Variants in ARSJ observed in about 807,000 individuals in gnomAD.
The protein encoded by ARSJ is arylsulfatase family member J.
In ARSJ, 26 loss-of-function variants were observed where a neutral mutation model predicts 35.9. That is an observed-to-expected ratio of 0.72 (90% confidence interval 0.53 to 1.00). The LOEUF is 1.00. Among genes scored for constraint, ARSJ ranks in the 50% least tolerant of loss-of-function variants. ARSJ has a pLI of 0.00. For synonymous variants in ARSJ, 294 were observed against 267.6 expected, an observed-to-expected ratio of 1.10 and a Z score of -0.96; for missense variants, 667 against 723.6, an observed-to-expected ratio of 0.92 and a Z score of 0.90.
At chr4:113,958,935 C>T (rs35818320) in intron 1 of ARSJ, among the ~76,000 whole-genome samples, 41 of 152,078 alleles carry the variant, frequency 2.7e-4, no homozygotes, top group Non-Finnish European at 4.4e-4. Flanking sequence ...AAACCCCGCA[C>T]GCAGGCTACA....
At chr4:113,925,102 T>C (rs1051828976) in intron 1 of ARSJ, among the ~76,000 whole-genome samples, 1 of 151,950 alleles carries the variant, frequency 6.6e-6, no homozygotes, top group Non-Finnish European at 1.5e-5. Flanking sequence ...CGTTATGGAG[T>C]AGTAGACTGA....
At chr4:113,963,424 AAGG>A (rs1418015618) in intron 1 of ARSJ, among the ~76,000 whole-genome samples, 1 of 151,990 alleles carries the variant, frequency 6.6e-6, no homozygotes, top group Non-Finnish European at 1.5e-5. Context: ...TGATGGCAGG[AAGG>A]AGAAGTGCCA....
chr4:113,952,600 G>C (rs113100811), intron 1 of ARSJ, among the ~76,000 whole-genome samples: 2,457 of 152,156 alleles, frequency 0.016, 88 homozygotes, highest in East Asian at 0.14. Flanking sequence ...AAGGTTAAAC[G>C]CTTGGGTGAG....
rs138847734 is a variant in ARSJ at position 113,904,399 on chromosome 4, T to A, written c.399-724A>T. 8.0e-3 allele frequency among the ~76,000 whole-genome samples: 1,214 copies of A among 152,336 alleles called. 4 individuals carry two copies. The highest frequency in any genetic ancestry group is 0.014 in the Admixed American group (215 of 15,302). ...TCTAAATCATTAGCTCCTAGTTTCC[T>A]GAGATCATTTATTTCAAGCTAACTC... On this transcript the variant is annotated intron_variant, in intron 1 of 1. Coordinates refer to ENST00000315366, the MANE Select transcript of ARSJ (RefSeq NM_024590.4).
At chr4:113,919,398 A>C (rs1046031171) in intron 1 of ARSJ, among the ~76,000 whole-genome samples, 1 of 152,198 alleles carries the variant, frequency 6.6e-6, no homozygotes, top group Non-Finnish European at 1.5e-5. Context: ...TGCTTCTGTA[A>C]AGTGGCTCAA....
At chr4:113,904,485 T>C (rs763169100) in intron 1 of ARSJ, among the ~76,000 whole-genome samples, 1 of 151,646 alleles carries the variant, frequency 6.6e-6, no homozygotes, top group Non-Finnish European at 1.5e-5. Context: ...TGTAAAACAA[T>C]AGTTCATTCT....
intron 1 of ARSJ, among the ~76,000 whole-genome samples, chr4:113,926,101 T>C (rs1724041053): frequency 6.6e-6 from 1 of 152,128 alleles, no homozygotes; most frequent in Non-Finnish European, 1.5e-5. Context: ...ATTATTAAAA[T>C]CCTCCTCTGC....
At chr4:113,944,594 G>T (rs1320833770) in intron 1 of ARSJ, among the ~76,000 whole-genome samples, 2 of 152,032 alleles carry the variant, frequency 1.3e-5, no homozygotes, top group Admixed American at 6.6e-5. Context: ...TCAGGAAAAT[G>T]CCAGGAGGTA....
intron 1 of ARSJ, among the ~76,000 whole-genome samples, chr4:113,908,735 T>G (rs1295913707): frequency 6.6e-6 from 1 of 152,192 alleles, no homozygotes; most frequent in African/African-American, 2.4e-5. Flanking sequence ...CATACTGTAT[T>G]AATTTAGGAA....
chr4:113,905,415 C>A (rs148770512), intron 1 of ARSJ, among the ~76,000 whole-genome samples: 36 of 152,102 alleles, frequency 2.4e-4, no homozygotes, highest in Middle Eastern at 6.8e-3. Flanking sequence ...CATGATGAAA[C>A]TATGAGCTTT....
chr4:113,906,875 T>G (rs1355071373), intron 1 of ARSJ: 4 of 326,666 alleles, frequency 1.2e-5, no homozygotes, highest in Non-Finnish European at 2.4e-5. Context: ...TCGGTGTCAC[T>G]AACATTTGCA....
At chr4:113,937,738 A>C (rs2149267544) in intron 1 of ARSJ, among the ~76,000 whole-genome samples, 1 of 152,216 alleles carries the variant, frequency 6.6e-6, no homozygotes, top group East Asian at 1.9e-4. Context: ...ATTCCTATAC[A>C]CCAACAGCAG....
Position 113,975,087 on chromosome 4 carries a change from T to C in ARSJ, c.398+3350A>G, listed in dbSNP as rs543098137. The stretch of plus-strand genomic sequence containing the variant: ...TACCCTCTCTGTAATTCCATTTGTA[T>C]AAAGTTCAAAACCAGGCAAAATTAA... On this transcript the variant is annotated intron_variant, in intron 1 of 1. Transcript: ENST00000315366. Among the ~76,000 whole-genome samples, 103 of 152,274 alleles carry C rather than the reference T, an allele frequency of 6.8e-4. 1 individual carries two copies. The South Asian group carries it at 7.0e-3, about 10-fold the overall frequency.
intron 1 of ARSJ, among the ~76,000 whole-genome samples, chr4:113,958,545 T>C (rs533962141): frequency 2.6e-5 from 4 of 152,152 alleles, no homozygotes; most frequent in African/African-American, 9.6e-5. Context: ...ACCCCTAACT[T>C]TGATAAAGAT....
At chr4:113,950,477 A>C (rs11732514) in intron 1 of ARSJ, among the ~76,000 whole-genome samples, 71,120 of 151,726 alleles carry the variant, frequency 0.47, 17,778 homozygotes, top group South Asian at 0.62. Context: ...GAAGCATGGG[A>C]AAGGGACATT....
At chr4:113,924,054 TAA>T (rs1554115281) in intron 1 of ARSJ, among the ~76,000 whole-genome samples, 2 of 124,744 alleles carry the variant, frequency 1.6e-5, no homozygotes, top group Admixed American at 8.5e-5. Flanking sequence ...TAAATATATA[TAA>T]ATATATATAA....
Position 113,902,517 on chromosome 4 carries a change from G to T in ARSJ, c.1557C>A (p.Leu519=). The change falls in exon 2 of 2, where the codon CTC becomes CTA. Residue 519 remains leucine, a synonymous_variant. Transcript: ENST00000315366. The part of the protein sequence containing the change: ...SNRYPGIVKK[L]LRRLSQFNKT... ...TGTTGAACTGTGAGAGCCTCCGTAGGAGCTTCTTCACGATTCCTGGATACC... is the reference window on the plus strand; with the variant it reads ...TGTTGAACTGTGAGAGCCTCCGTAGTAGCTTCTTCACGATTCCTGGATACC... 1.9e-6 allele frequency: 3 copies of T among 1,614,124 alleles called. No individual in the cohort carries two copies. Among genetic ancestry groups the T allele is most frequent in the Non-Finnish European group, 2.5e-6 (3 of 1,180,018 alleles).
intron 1 of ARSJ, among the ~76,000 whole-genome samples, chr4:113,921,822 A>G (rs1723698811): frequency 6.6e-6 from 1 of 152,210 alleles, no homozygotes; most frequent in Admixed American, 6.6e-5. Context: ...CTTTCACAAT[A>G]GTCACATGCA....
chr4:113,908,972 G>C (rs76684213), intron 1 of ARSJ, among the ~76,000 whole-genome samples: 8,629 of 151,950 alleles, frequency 0.057, 324 homozygotes, highest in East Asian at 0.11. Context: ...TCTTCTAATT[G>C]TTTAGAAGAG....
Sources: gnomAD v4.1 joint callset for allele counts (sites outside exome capture counted in the v4.1 genomes callset) on GRCh38, gnomAD v4.1.1 for gene constraint, MANE v1.5 for transcripts, NCBI Gene and HGNC (gene_info 2026-07-23, HGNC 2026-07-21) for gene names.